Variants in FAM124A observed in about 807,000 individuals in gnomAD.
FAM124A encodes the protein family with sequence similarity 124 member A.
A neutral mutation model predicts 24.5 loss-of-function variants in FAM124A; 23 were observed. The observed-to-expected ratio is 0.94, with a 90% CI of 0.68 to 1.33. The LOEUF (loss-of-function observed/expected upper bound fraction) is 1.33. Ranked by LOEUF, FAM124A falls within the 40% of genes most tolerant of loss-of-function variation. The pLI is 0.00. For synonymous variants in FAM124A, 287 were observed against 314.7 expected, an observed-to-expected ratio of 0.91 and a Z score of 0.93; for missense variants, 623 against 722.8, an observed-to-expected ratio of 0.86 and a Z score of 1.58.
At chr13:51,247,609 G>A (rs1258242874) in intron 2 of FAM124A, among the ~76,000 whole-genome samples, 1 of 152,088 alleles carries the variant, frequency 6.6e-6, no homozygotes, top group African/African-American at 2.4e-5. Flanking sequence ...TACTTCGCAT[G>A]GTGTTTTTCC....
chr13:51,228,564 A>G (rs1954340000), intron 1 of FAM124A, among the ~76,000 whole-genome samples: 1 of 152,206 alleles, frequency 6.6e-6, no homozygotes, highest in Non-Finnish European at 1.5e-5. Flanking sequence ...AGGTGAGACC[A>G]ATAAACAGAA....
intron 3 of FAM124A, among the ~76,000 whole-genome samples, chr13:51,263,979 C>T (rs1282070422): frequency 6.6e-6 from 1 of 152,156 alleles, no homozygotes; most frequent in African/African-American, 2.4e-5. Flanking sequence ...TGCTAAATCT[C>T]ATTAGGTCCT....
chr13:51,260,237 C>CA (rs900759755), intron 3 of FAM124A, among the ~76,000 whole-genome samples: 9 of 152,186 alleles, frequency 5.9e-5, no homozygotes, highest in African/African-American at 2.2e-4. Flanking sequence ...CTTCCACACA[C>CA]AAAAAATGGT....
intron 2 of FAM124A, among the ~76,000 whole-genome samples, chr13:51,238,758 C>T (rs1245881771): frequency 6.6e-6 from 1 of 152,084 alleles, no homozygotes; most frequent in Non-Finnish European, 1.5e-5. Flanking sequence ...GGTGTGGGGC[C>T]TGTATATTCA....
intron 3 of FAM124A, among the ~76,000 whole-genome samples, chr13:51,279,215 A>G (rs1344552446): frequency 6.6e-6 from 1 of 152,050 alleles, no homozygotes; most frequent in Non-Finnish European, 1.5e-5. Flanking sequence ...TTTTCTCTTG[A>G]CTTATTTTCT....
Position 51,280,791 on chromosome 13 carries a change from A to T in FAM124A, c.1176A>T (p.Ala392=). 1 of 1,614,200 alleles carries T rather than the reference A, an allele frequency of 6.2e-7. No individual in the cohort carries two copies. Among genetic ancestry groups the T allele is most frequent in the Non-Finnish European group, 8.5e-7 (1 of 1,180,042 alleles). The stretch of plus-strand genomic sequence containing the variant: ...ACACAGGTGCCCCAGGGCACAGGGC[A>T]TCAGAGTGGAGGCATGGCCACCTCC... ...FSNTGAPGHR[A]SEWRHGHLLS... Residue 392 remains alanine (A), a synonymous_variant, in exon 4 of 4, where the codon GCA becomes GCT. Coordinates refer to ENST00000322475, the MANE Select transcript of FAM124A (RefSeq NM_001242312.2).
chr13:51,244,050 C>T (rs1954530468), intron 2 of FAM124A, among the ~76,000 whole-genome samples: 1 of 152,238 alleles, frequency 6.6e-6, no homozygotes, highest in Admixed American at 6.5e-5. Flanking sequence ...TCAAGCCAGG[C>T]TCCAGGGCCA....
At chr13:51,269,516 A>G (rs1954819654) in intron 3 of FAM124A, among the ~76,000 whole-genome samples, 1 of 152,214 alleles carries the variant, frequency 6.6e-6, no homozygotes, top group Non-Finnish European at 1.5e-5. Flanking sequence ...CCATGTTTAT[A>G]TGTTGAATTG....
chr13:51,281,118 C>T lies in FAM124A; in HGVS notation c.1503C>T (p.Pro501=), dbSNP rs1010388341. The T allele has an allele frequency of 6.2e-6, 10 of 1,614,122 alleles. No individual in the cohort carries two copies. The highest frequency in any genetic ancestry group is 8.5e-6 in the Non-Finnish European group (10 of 1,180,032). Residue 501 remains proline (P), a synonymous_variant, in exon 4 of 4, where the codon CCC becomes CCT. Transcript: ENST00000322475. ...SATARAAPPA[P]STSTLTDSSP... is the part of the protein sequence containing the mutation. ...CAGCTCGTGCTGCTCCCCCAGCTCC[C>T]AGCACCTCCACCCTCACAGACTCCT...
intron 2 of FAM124A, among the ~76,000 whole-genome samples, chr13:51,233,546 C>T (rs1463366155): frequency 4.1e-5 from 5 of 122,776 alleles, no homozygotes; most frequent in East Asian, 2.8e-4. Context: ...GAGTGGGTAC[C>T]GGGGTGGGGC....
intron 3 of FAM124A, among the ~76,000 whole-genome samples, chr13:51,257,229 T>A (rs944333943): frequency 1.3e-5 from 2 of 152,198 alleles, no homozygotes; most frequent in African/African-American, 4.8e-5. Flanking sequence ...GTACAGTAAT[T>A]GTGTGTAATT....
chr13:51,272,570 C>T lies in FAM124A; in HGVS notation c.835-7880C>T, dbSNP rs1593610527. Among the ~76,000 whole-genome samples, 1 of 150,314 alleles carries T rather than the reference C, an allele frequency of 6.7e-6. No homozygotes were observed. The highest frequency in any genetic ancestry group is 1.5e-5 in the Non-Finnish European group (1 of 67,272). On this transcript the variant is annotated intron_variant, in intron 3 of 3. Coordinates refer to ENST00000322475, the MANE Select transcript of FAM124A (RefSeq NM_001242312.2). The surrounding 1 kb of genome is among the most constrained non-coding windows in gnomAD (Gnocchi z 4.2). Reference sequence around the variant, plus strand: ...ATTTTTGTAAATAAAGCCTTATACACACACACACACACACACACACACACC... The same window carrying T: ...ATTTTTGTAAATAAAGCCTTATACATACACACACACACACACACACACACC...
intron 2 of FAM124A, among the ~76,000 whole-genome samples, chr13:51,243,635 G>A (rs1954525376): frequency 6.6e-6 from 1 of 152,112 alleles, no homozygotes; most frequent in African/African-American, 2.4e-5. Flanking sequence ...CAGGGTTCAA[G>A]TGATTCTCCT....
chr13:51,222,420 C>G lies in FAM124A; in HGVS notation c.-82C>G. On this transcript the variant is annotated 5_prime_UTR_variant, in exon 1 of 4. Transcript: ENST00000322475. ...GCCAGACGCTCGGAGGGAGCCCGGC[C>G]GGCTCGGACTGGGCGGCCGGGAGGG... The G allele has an allele frequency of 6.2e-6, 7 of 1,130,938 alleles. No homozygotes were observed. Among genetic ancestry groups the G allele is most frequent in the South Asian group, 4.4e-5 (1 of 22,972 alleles). 70.1% of individuals were successfully genotyped at this position (1,130,938 alleles called of 1,614,324 possible).
chr13:51,269,207 A>T (rs1355252521), intron 3 of FAM124A, among the ~76,000 whole-genome samples: 2 of 152,226 alleles, frequency 1.3e-5, no homozygotes, highest in African/African-American at 4.8e-5. Flanking sequence ...GAAATGATGT[A>T]ATTACCTGCT....
At chr13:51,273,461 CA>C (rs1954857664) in intron 3 of FAM124A, among the ~76,000 whole-genome samples, 1 of 152,196 alleles carries the variant, frequency 6.6e-6, no homozygotes, top group Non-Finnish European at 1.5e-5. Context: ...TTTAATGAGA[CA>C]GGGGCTTGCT....
At chr13:51,276,406 C>T (rs1021450963) in intron 3 of FAM124A, among the ~76,000 whole-genome samples, 2 of 152,148 alleles carry the variant, frequency 1.3e-5, no homozygotes, top group Admixed American at 1.3e-4. Context: ...TCCATAATAG[C>T]GACAGGAAGA....
At chr13:51,222,712 T>TGGGCGGGCCGCGCTGCCCTGGGCA (rs1204097458) in intron 1 of FAM124A, 143 bp downstream of exon 1, 1 of 848,092 alleles carries the variant, frequency 1.2e-6, no homozygotes, top group African/African-American at 1.8e-5. Context: ...CGCTCTCTCC[T>TGGGCGGGCCGCGCTGCCCTGGGCA]GGGCGGGCCG....
At chr13:51,270,225 C>G (rs1374463867) in intron 3 of FAM124A, among the ~76,000 whole-genome samples, 1 of 152,110 alleles carries the variant, frequency 6.6e-6, no homozygotes, top group Non-Finnish European at 1.5e-5. Flanking sequence ...GGCAAATAGC[C>G]CACTGACTAC....
Sources: allele counts gnomAD v4.1 joint callset (sites outside exome capture counted in the v4.1 genomes callset), GRCh38; gene constraint gnomAD v4.1.1; non-coding constraint Gnocchi (gnomAD v3.1); transcripts MANE v1.5; gene names NCBI Gene and HGNC (gene_info 2026-07-23, HGNC 2026-07-21).